Variants in EPHB1 observed in about 807,000 individuals in gnomAD.
The protein encoded by EPHB1 is ephrin type-B receptor 1.
EPHB1 carries 30 observed loss-of-function variants against 94.4 expected under a neutral mutation model. The ratio of observed to expected loss-of-function variants is 0.32; its 90% CI spans 0.24 to 0.43. The LOEUF is 0.43. Among genes scored for constraint, EPHB1 ranks in the 20% least tolerant of loss-of-function variants. The probability of loss-of-function intolerance (pLI) is 1.00; values close to 1 mark genes in which losing one functional copy is unlikely to be tolerated. For missense variants in EPHB1, 1,055 were observed against 1,308.3 expected (o/e 0.81, Z 2.99); for synonymous variants, 522 against 489.1 (o/e 1.07, Z -0.89).
chr3:135,216,038 TCTC>T (rs1485975693), intron 12 of EPHB1, among the ~76,000 whole-genome samples: 1 of 152,160 alleles, frequency 6.6e-6, no homozygotes, highest in East Asian at 1.9e-4. Flanking sequence ...TCTTAGAACT[TCTC>T]CTTCTCCAAG....
At chr3:134,822,739 T>C in intron 1 of EPHB1, among the ~76,000 whole-genome samples, 1 of 152,216 alleles carries the variant, frequency 6.6e-6, no homozygotes, top group East Asian at 1.9e-4. Context: ...TATTTTAAAA[T>C]AGCATTCTTT....
At chr3:135,061,452 A>G (rs1321774509) in intron 3 of EPHB1, among the ~76,000 whole-genome samples, 3 of 140,254 alleles carry the variant, frequency 2.1e-5, no homozygotes, top group Non-Finnish European at 4.5e-5. Context: ...CTTATGAGTG[A>G]GAACATACAA....
chr3:135,213,982 C>T (rs1943085696), intron 12 of EPHB1, among the ~76,000 whole-genome samples: 4 of 152,140 alleles, frequency 2.6e-5, no homozygotes. Context: ...TCTCCCTCAG[C>T]CCCTTCCCCT....
At chr3:135,257,905 T>C (rs1013111417) in intron 15 of EPHB1, among the ~76,000 whole-genome samples, 1 of 152,206 alleles carries the variant, frequency 6.6e-6, no homozygotes. Context: ...GTGTGGGATA[T>C]AATCTCGTGG....
intron 2 of EPHB1, among the ~76,000 whole-genome samples, chr3:134,927,251 G>A (rs943756507): frequency 6.6e-6 from 1 of 152,208 alleles, no homozygotes; most frequent in Non-Finnish European, 1.5e-5. Flanking sequence ...AGGGCAGACA[G>A]TTATCTCACC....
At chr3:134,816,171 G>A (rs143233496) in intron 1 of EPHB1, among the ~76,000 whole-genome samples, 212 of 132,092 alleles carry the variant, frequency 1.6e-3, no homozygotes, top group African/African-American at 5.6e-3. Flanking sequence ...CAATCTCCAC[G>A]TCTTGGGTTC....
At chr3:135,211,707 A>T (rs953378570) in intron 12 of EPHB1, among the ~76,000 whole-genome samples, 1 of 152,132 alleles carries the variant, frequency 6.6e-6, no homozygotes, top group African/African-American at 2.4e-5. Context: ...GCACACACAC[A>T]TATATATTCA....
At chr3:134,872,116 A>G (rs2037512143) in intron 1 of EPHB1, among the ~76,000 whole-genome samples, 1 of 152,106 alleles carries the variant, frequency 6.6e-6, no homozygotes, top group South Asian at 2.1e-4. Flanking sequence ...CCTCTGGTAC[A>G]TTCTGTTTGT....
intron 5 of EPHB1, among the ~76,000 whole-genome samples, chr3:135,142,850 G>T (rs758089925): frequency 6.6e-6 from 1 of 152,170 alleles, no homozygotes; most frequent in African/African-American, 2.4e-5. Flanking sequence ...GAATGGGGGC[G>T]TGACGGTGGG....
chr3:135,131,662 AT>A (rs1199824998), intron 4 of EPHB1, among the ~76,000 whole-genome samples: 14 of 152,224 alleles, frequency 9.2e-5, no homozygotes, highest in Admixed American at 9.2e-4. Flanking sequence ...GTGGCCGTTA[AT>A]TCAGCAATAT....
intron 5 of EPHB1, 33 bp from the exon 6 acceptor site, chr3:135,154,119 G>A (rs2107695061): frequency 6.2e-7 from 1 of 1,613,230 alleles, no homozygotes; most frequent in South Asian, 1.1e-5. Context: ...TTGAGTGTCT[G>A]TTCAGCTACC....
rs778924899 is a variant in EPHB1 at position 135,148,842 on chromosome 3, T to C, written c.1298-5310T>C. ...TTGTTTTTCTCCATCCCAGAGCCCC[T>C]TGACCAGTGATGTTTTAATTCTCTT... On this transcript the variant is annotated intron_variant, in intron 5 of 15. Coordinates refer to ENST00000398015, the MANE Select transcript of EPHB1 (RefSeq NM_004441.5). Among the ~76,000 whole-genome samples the C allele has an allele frequency of 2.2e-4, 33 of 152,372 alleles. No homozygotes were observed. In the Middle Eastern group the frequency reaches 0.024, roughly 110 times the overall value.
At chr3:135,031,334 G>C (rs558913421) in intron 3 of EPHB1, among the ~76,000 whole-genome samples, 1 of 152,046 alleles carries the variant, frequency 6.6e-6, no homozygotes, top group South Asian at 2.1e-4. Context: ...TTTCTTGATG[G>C]GGTCTCACTC....
At chr3:134,990,290 T>A (rs1381299181) in intron 3 of EPHB1, among the ~76,000 whole-genome samples, 1 of 152,226 alleles carries the variant, frequency 6.6e-6, no homozygotes, top group Non-Finnish European at 1.5e-5. Context: ...TCTTTCTTTA[T>A]CTTTGAAATT....
intron 1 of EPHB1, among the ~76,000 whole-genome samples, chr3:134,846,376 C>T (rs1363345152): frequency 2.6e-5 from 4 of 152,134 alleles, no homozygotes. Flanking sequence ...TTAGTGCAGC[C>T]CAGTGGAGCC....
intron 5 of EPHB1, among the ~76,000 whole-genome samples, chr3:135,151,796 T>C (rs1941203663): frequency 6.6e-6 from 1 of 152,152 alleles, no homozygotes; most frequent in Non-Finnish European, 1.5e-5. Context: ...ATAGGCCAAA[T>C]TTAACACCGT....
intron 2 of EPHB1, among the ~76,000 whole-genome samples, chr3:134,940,243 C>T (rs11923489): frequency 9.2e-4 from 140 of 152,128 alleles, no homozygotes; most frequent in African/African-American, 3.2e-3. Context: ...AACATAATCA[C>T]GATGATGATG....
chr3:135,166,482 G>A (rs77509346), intron 8 of EPHB1, among the ~76,000 whole-genome samples: 5,124 of 152,252 alleles, frequency 0.034, 297 homozygotes, highest in African/African-American at 0.12. Context: ...GAGAAGATGA[G>A]GAGGAAAGGG....
At chr3:135,008,769 C>G (rs888934580) in intron 3 of EPHB1, among the ~76,000 whole-genome samples, 15 of 152,152 alleles carry the variant, frequency 9.9e-5, no homozygotes, top group African/African-American at 3.6e-4. Context: ...AGAGCTGGAT[C>G]CAGGGAAGGC....
Sources: allele counts gnomAD v4.1 joint callset (sites outside exome capture counted in the v4.1 genomes callset), GRCh38; gene constraint gnomAD v4.1.1; transcripts MANE v1.5; gene names NCBI Gene and HGNC (gene_info 2026-07-23, HGNC 2026-07-21).